Variants in DLGAP2 observed in about 807,000 individuals in gnomAD.
DLGAP2 encodes the protein disks large-associated protein 2.
DLGAP2 carries 26 observed loss-of-function variants against 100.3 expected under a neutral mutation model. That is an observed-to-expected ratio of 0.26 (90% CI 0.19 to 0.36). The LOEUF is 0.36. DLGAP2 is among the 10% of genes least tolerant of loss of function. The pLI is 1.00. For missense variants in DLGAP2, 1,858 were observed against 1,453.2 expected (o/e 1.28, Z -4.53); for synonymous variants, 886 against 630.1 (o/e 1.41, Z -6.08).
intron 2 of DLGAP2, among the ~76,000 whole-genome samples, chr8:975,405 G>A (rs1341119333): frequency 6.6e-6 from 1 of 152,062 alleles, no homozygotes; most frequent in Non-Finnish European, 1.5e-5. Context: ...AAATTATTTA[G>A]CATTCCCCTC....
At chr8:1,280,201 TTTC>T (rs1799788643) in intron 3 of DLGAP2, among the ~76,000 whole-genome samples, 1 of 152,140 alleles carries the variant, frequency 6.6e-6, no homozygotes, top group East Asian at 1.9e-4. Flanking sequence ...GCCTCTGGGG[TTTC>T]TTCTTCATCA....
At chr8:1,347,029 G>T (rs1801577733) in intron 3 of DLGAP2, among the ~76,000 whole-genome samples, 1 of 151,806 alleles carries the variant, frequency 6.6e-6, no homozygotes, top group South Asian at 2.1e-4. Context: ...ATACAGAGCT[G>T]CACTGCTCTC....
intron 2 of DLGAP2, among the ~76,000 whole-genome samples, chr8:1,145,556 C>T (rs1020650073): frequency 1.3e-5 from 2 of 152,188 alleles, no homozygotes; most frequent in African/African-American, 4.8e-5. Context: ...GTTTGAAACT[C>T]TTACCAATAA....
At chr8:900,049 A>T (rs1798218681) in intron 1 of DLGAP2, among the ~76,000 whole-genome samples, 1 of 152,240 alleles carries the variant, frequency 6.6e-6, no homozygotes, top group Non-Finnish European at 1.5e-5. Flanking sequence ...AAATAACTTC[A>T]CATGTAAAAG....
At chr8:1,345,534 A>T (rs1417244344) in intron 3 of DLGAP2, among the ~76,000 whole-genome samples, 1 of 152,350 alleles carries the variant, frequency 6.6e-6, no homozygotes, top group Non-Finnish European at 1.5e-5. Flanking sequence ...TACACATTTT[A>T]ATCTGATAAG....
At chr8:1,028,007 A>G (rs1481402524) in intron 2 of DLGAP2, among the ~76,000 whole-genome samples, 20 of 96,726 alleles carry the variant, frequency 2.1e-4, no homozygotes, top group East Asian at 6.9e-4. Context: ...CTCCAGGAGC[A>G]GTGCCAGGTG....
At chr8:1,215,743 C>T (rs957122101) in intron 2 of DLGAP2, among the ~76,000 whole-genome samples, 4 of 89,564 alleles carry the variant, frequency 4.5e-5, no homozygotes, top group Admixed American at 1.0e-4. Context: ...TGGAGACGTC[C>T]AGGTACCTGG....
intron 3 of DLGAP2, among the ~76,000 whole-genome samples, chr8:1,356,344 A>C (rs986337102): frequency 6.6e-6 from 1 of 152,262 alleles, no homozygotes; most frequent in African/African-American, 2.4e-5. Context: ...GCAGTAAAAC[A>C]AATCCTCATT....
At chr8:1,023,900 T>TGTG (rs1428174813) in intron 2 of DLGAP2, among the ~76,000 whole-genome samples, 17 of 146,742 alleles carry the variant, frequency 1.2e-4, no homozygotes, top group South Asian at 2.2e-4. Context: ...TGTGTGTGTG[T>TGTG]AGTTTGCTTC....
In DLGAP2 at chr8:1,697,212, C is replaced by A. The variant is rs556300127; in HGVS notation, c.2862C>A (p.Leu954=). ...CCGGCTACTGGGACATGCTGCAGCT[C>A]TCCATTGAGGACGTCAGCATGAAGT... ...DLAGYWDMLQ[L]SIEDVSMKFD... The change falls in exon 14 of 15, where the codon CTC becomes CTA. Residue 954 remains leucine (L), a synonymous_variant. Transcript: ENST00000637795. 6.2e-7 allele frequency: 1 copy of A among 1,611,416 alleles called. No individual in the cohort carries two copies. The highest frequency in any genetic ancestry group is 8.5e-7 in the Non-Finnish European group (1 of 1,178,588).
At chr8:1,639,143 G>T (rs1007365294) in intron 8 of DLGAP2, among the ~76,000 whole-genome samples, 1 of 152,238 alleles carries the variant, frequency 6.6e-6, no homozygotes, top group Non-Finnish European at 1.5e-5. Context: ...TCAAGAAGAG[G>T]TGTGGAGGTC....
chr8:968,558 A>G (rs540556965), intron 2 of DLGAP2, among the ~76,000 whole-genome samples: 1 of 152,286 alleles, frequency 6.6e-6, no homozygotes, highest in African/African-American at 2.4e-5. Flanking sequence ...GTTCCATACT[A>G]GCCTCCCCTG....
intron 8 of DLGAP2, among the ~76,000 whole-genome samples, chr8:1,639,006 G>C (rs1241471876): frequency 6.6e-6 from 1 of 152,202 alleles, no homozygotes; most frequent in East Asian, 1.9e-4. Flanking sequence ...GATGGATTGG[G>C]ATGAAGTGCC....
chr8:1,000,391 G>A lies in DLGAP2; in HGVS notation c.73+92425G>A, dbSNP rs193040715. On this transcript the variant is annotated intron_variant, in intron 2 of 14. Coordinates refer to ENST00000637795, the MANE Select transcript of DLGAP2 (RefSeq NM_001346810.2). ...TCTCTAGAGCGGAAAGATCTGGGTT[G>A]GGGTGGTTTTCTTTTGCACCGGATT... Among the ~76,000 whole-genome samples, 282 of 151,022 alleles carry A rather than the reference G, an allele frequency of 1.9e-3. 5 individuals are homozygous for A. The highest frequency in any genetic ancestry group is 6.1e-3 in the African/African-American group (250 of 40,830).
chr8:1,060,379 C>A (rs969006829), intron 2 of DLGAP2, among the ~76,000 whole-genome samples: 2 of 79,512 alleles, frequency 2.5e-5, no homozygotes. Flanking sequence ...CCAAGGCGGG[C>A]TCCCTCTGGA....
intron 1 of DLGAP2, among the ~76,000 whole-genome samples, chr8:881,965 C>G (rs1255313731): frequency 6.6e-6 from 1 of 152,194 alleles, no homozygotes; most frequent in Non-Finnish European, 1.5e-5. Flanking sequence ...CCCTGCCATG[C>G]AAACTCATAG....
chr8:1,060,089 A>T lies in DLGAP2; in HGVS notation c.73+152123A>T, dbSNP rs1213418740. Among the ~76,000 whole-genome samples the T allele has an allele frequency of 2.8e-4, 42 of 152,174 alleles. 1 individual carries two copies. The highest frequency in any genetic ancestry group is 2.7e-3 in the Admixed American group (42 of 15,286). On this transcript the variant is annotated intron_variant, in intron 2 of 14. Coordinates refer to ENST00000637795, the MANE Select transcript of DLGAP2 (RefSeq NM_001346810.2). ...GCTTCAAGTTCCTCCACAGGGTCAGATGCGAACTGTTCCCAGGGTCAGATG... is the reference window on the plus strand; with the variant it reads ...GCTTCAAGTTCCTCCACAGGGTCAGTTGCGAACTGTTCCCAGGGTCAGATG...
At chr8:859,810 G>A (rs775226639) in intron 1 of DLGAP2, among the ~76,000 whole-genome samples, 5 of 152,184 alleles carry the variant, frequency 3.3e-5, no homozygotes, top group Non-Finnish European at 7.3e-5. Context: ...CCTAATTAGA[G>A]TGAGGTGCGG....
At chr8:1,585,860 ACT>A (rs1442208527) in intron 6 of DLGAP2, among the ~76,000 whole-genome samples, 10 of 152,060 alleles carry the variant, frequency 6.6e-5, no homozygotes, top group South Asian at 6.2e-4. Context: ...GTGGAGTGTC[ACT>A]CTGTCTCTGG....
Sources: allele counts gnomAD v4.1 joint callset (sites outside exome capture counted in the v4.1 genomes callset), GRCh38; gene constraint gnomAD v4.1.1; transcripts MANE v1.5; gene names NCBI Gene and HGNC (gene_info 2026-07-23, HGNC 2026-07-21).